SYT14: variants seen among roughly 807,000 people sequenced by gnomAD.
The protein encoded by SYT14 is synaptotagmin-14.
A neutral mutation model predicts 74.2 loss-of-function variants in SYT14; 32 were observed. That is an observed-to-expected ratio of 0.43 (90% CI 0.33 to 0.58). The LOEUF (loss-of-function observed/expected upper bound fraction) is 0.58, where lower values mean the gene tolerates loss of function less well. Ranked by LOEUF, SYT14 falls within the 20% of genes least tolerant of loss-of-function variation. SYT14 has a pLI of 0.05. For synonymous variants in SYT14, 298 were observed against 337.7 expected (o/e 0.88, Z 1.29); for missense variants, 791 against 981.8 (o/e 0.81, Z 2.60).
intron 4 of SYT14, among the ~76,000 whole-genome samples, chr1:210,019,135 A>AAAG (rs1264336930): frequency 1.3e-5 from 2 of 148,830 alleles, no homozygotes; most frequent in Admixed American, 6.6e-5. Flanking sequence ...ACTCCTCAAA[A>AAAG]AAAAAAAAAA....
exon 4 of SYT14, chr1:210,016,648 A>G (rs983986659): frequency 8.1e-7 from 1 of 1,231,796 alleles, no homozygotes; most frequent in Admixed American, 4.2e-5. Flanking sequence ...AGCAAAAGAA[A>G]TATGTTGGTA....
intron 5 of SYT14, among the ~76,000 whole-genome samples, chr1:210,056,046 T>C (rs2081090313): frequency 6.6e-6 from 1 of 152,240 alleles, no homozygotes; most frequent in South Asian, 2.1e-4. Flanking sequence ...TCTGTAATTA[T>C]ACAGTTAGAG....
chr1:210,059,934 G>A (rs549777159), intron 5 of SYT14, among the ~76,000 whole-genome samples: 2 of 152,212 alleles, frequency 1.3e-5, no homozygotes, highest in South Asian at 4.2e-4. Flanking sequence ...TGGAGAATGA[G>A]GAAATGGGGT....
chr1:210,126,658 A>G (rs2082576892), intron 7 of SYT14, among the ~76,000 whole-genome samples: 1 of 152,246 alleles, frequency 6.6e-6, no homozygotes, highest in Non-Finnish European at 1.5e-5. Context: ...AATACAACGT[A>G]AAGTAGATCC....
chr1:210,000,059 AAGT>A (rs1436869433), intron 2 of SYT14, among the ~76,000 whole-genome samples: 3 of 152,162 alleles, frequency 2.0e-5, no homozygotes, highest in African/African-American at 7.2e-5. Flanking sequence ...AATGTTTTTA[AAGT>A]TATGATTTTA....
intron 5 of SYT14, among the ~76,000 whole-genome samples, chr1:210,055,361 T>C (rs1357334829): frequency 6.6e-6 from 1 of 152,208 alleles, no homozygotes; most frequent in African/African-American, 2.4e-5. Context: ...GAAAAGTCTT[T>C]ATGTATAAAA....
intron 5 of SYT14, among the ~76,000 whole-genome samples, chr1:210,066,818 T>A (rs1390002699): frequency 1.3e-5 from 2 of 151,836 alleles, no homozygotes; most frequent in South Asian, 4.1e-4. Context: ...ATGAAAAGTG[T>A]TTGATGAATT....
chr1:210,060,572 C>A (rs1043465283), intron 5 of SYT14, among the ~76,000 whole-genome samples: 1 of 151,992 alleles, frequency 6.6e-6, no homozygotes, highest in Non-Finnish European at 1.5e-5. Flanking sequence ...AACTCTGAGC[C>A]AATTACTTAT....
At chr1:209,954,414 TC>T (rs2078960290) in intron 2 of SYT14, among the ~76,000 whole-genome samples, 1 of 152,204 alleles carries the variant, frequency 6.6e-6, no homozygotes. Flanking sequence ...TTTGCTGTCT[TC>T]CGTTTATCTA....
chr1:210,004,498 CTT>C (rs770642711), intron 2 of SYT14, among the ~76,000 whole-genome samples: 2 of 152,116 alleles, frequency 1.3e-5, no homozygotes, highest in Non-Finnish European at 2.9e-5. Context: ...TCATACATCT[CTT>C]AATTTCATCA....
chr1:210,013,671 G>T lies in SYT14; in HGVS notation c.-447G>T, dbSNP rs113313138. On this transcript the variant is annotated 5_prime_UTR_variant, in exon 3 of 10. Coordinates refer to ENST00000637265, the Ensembl canonical transcript of SYT14. ...AGTTGGATTTTTGTCAGCTGTTGGG[G>T]TGTTTATTATCTTGATGCTGCTCCT... 1.4e-5 allele frequency: 22 copies of T among 1,612,884 alleles called. No homozygotes were observed. The African/African-American group carries it at 2.0e-4, about 15-fold the overall frequency.
chr1:210,113,671 G>C (rs1168847160), intron 7 of SYT14, among the ~76,000 whole-genome samples: 1 of 150,928 alleles, frequency 6.6e-6, no homozygotes, highest in East Asian at 1.9e-4. Flanking sequence ...AAGGTGGGGA[G>C]ATAGAAGGGG....
chr1:210,019,740 C>G (rs1410072441), intron 4 of SYT14, among the ~76,000 whole-genome samples: 1 of 152,154 alleles, frequency 6.6e-6, no homozygotes, highest in Non-Finnish European at 1.5e-5. Context: ...AATTTCTTTA[C>G]TACAGATGCT....
At chr1:210,051,028 CTCTTT>C (rs777125267) in intron 5 of SYT14, among the ~76,000 whole-genome samples, 5 of 152,154 alleles carry the variant, frequency 3.3e-5, no homozygotes, top group Non-Finnish European at 5.9e-5. Flanking sequence ...TTCATCTAGG[CTCTTT>C]TAGTGAACAG....
intron 5 of SYT14, among the ~76,000 whole-genome samples, chr1:210,091,186 C>T (rs758892803): frequency 2.0e-5 from 3 of 152,094 alleles, no homozygotes; most frequent in Non-Finnish European, 4.4e-5. Flanking sequence ...TCTAAACTAG[C>T]GCCAGATGCC....
chr1:209,995,049 A>G (rs1423582822), intron 2 of SYT14, among the ~76,000 whole-genome samples: 1 of 152,234 alleles, frequency 6.6e-6, no homozygotes, highest in Non-Finnish European at 1.5e-5. Context: ...ACACTTAAGT[A>G]CGTAGCTCAC....
At chr1:210,170,335 C>T (rs2083511652) in exon 10 of SYT14, 1 of 151,740 alleles carries the variant, frequency 6.6e-6, no homozygotes. Context: ...TATATGTAAT[C>T]GTTTTCATAT....
intron 2 of SYT14, among the ~76,000 whole-genome samples, chr1:209,968,123 C>T (rs1198249158): frequency 1.3e-5 from 2 of 152,084 alleles, no homozygotes; most frequent in Non-Finnish European, 2.9e-5. Context: ...GTAACACAAT[C>T]AGGTGCTTAT....
intron 7 of SYT14, among the ~76,000 whole-genome samples, chr1:210,132,546 AGAT>A (rs1375274964): frequency 5.4e-5 from 8 of 148,980 alleles, no homozygotes; most frequent in Admixed American, 2.7e-4. Context: ...ATAAAGTCTA[AGAT>A]GATGATGATT....
Sources: gnomAD v4.1 joint callset for allele counts (sites outside exome capture counted in the v4.1 genomes callset) on GRCh38, gnomAD v4.1.1 for gene constraint, MANE v1.5 for transcripts, NCBI Gene and HGNC (gene_info 2026-07-23, HGNC 2026-07-21) for gene names.